The following GALM variants were observed in gnomAD, a reference collection of about 807,000 sequenced individuals.
GALM encodes aldose 1-epimerase.
GALM carries 43 observed loss-of-function variants against 37.4 expected under a neutral mutation model. The observed-to-expected ratio is 1.15, with a 90% CI of 0.90 to 1.48. The LOEUF (loss-of-function observed/expected upper bound fraction) is 1.48. GALM is among the 40% of genes most tolerant of loss of function. GALM has a pLI of 0.00. For missense variants in GALM, 456 were observed against 419.1 expected (o/e 1.09, Z -0.77); for synonymous variants, 199 against 170.6 (o/e 1.17, Z -1.30).
chr2:38,667,440 C>T (rs1476099804), intron 1 of GALM, among the ~76,000 whole-genome samples: 1 of 152,030 alleles, frequency 6.6e-6, no homozygotes, highest in African/African-American at 2.4e-5. Context: ...CATGGTGGCA[C>T]GTGCCTGTAA....
chr2:38,722,230 C>G (rs1558596149), intron 4 of GALM, among the ~76,000 whole-genome samples: 1 of 152,054 alleles, frequency 6.6e-6, no homozygotes, highest in Non-Finnish European at 1.5e-5. Context: ...CCCCTTTGCA[C>G]ACACTCAACT....
At chr2:38,715,899 C>T (rs1009549714) in intron 4 of GALM, among the ~76,000 whole-genome samples, 5 of 152,276 alleles carry the variant, frequency 3.3e-5, no homozygotes, top group African/African-American at 9.6e-5. Flanking sequence ...GGTAGAGTCT[C>T]GTTATCCCCA....
At chr2:38,716,817 T>C (rs1666278166) in intron 4 of GALM, among the ~76,000 whole-genome samples, 1 of 152,112 alleles carries the variant, frequency 6.6e-6, no homozygotes, top group African/African-American at 2.4e-5. Context: ...GAATAGCCAC[T>C]GCACTGCAGC....
intron 6 of GALM, among the ~76,000 whole-genome samples, chr2:38,732,398 C>T (rs1227888938): frequency 1.3e-5 from 2 of 152,172 alleles, no homozygotes; most frequent in Non-Finnish European, 2.9e-5. Flanking sequence ...TCACAGAAAA[C>T]CCATAGCCAA....
At chr2:38,668,918 A>T (rs955596621) in intron 1 of GALM, 23 of 152,280 alleles carry the variant, frequency 1.5e-4, no homozygotes, top group African/African-American at 5.5e-4. Flanking sequence ...ATTCCATGAG[A>T]CATGGTCCTT....
chr2:38,673,702 C>G (rs577559778), intron 1 of GALM, among the ~76,000 whole-genome samples: 2 of 150,418 alleles, frequency 1.3e-5, no homozygotes, highest in African/African-American at 4.9e-5. Flanking sequence ...CCCAGCTACT[C>G]GGGAGGCTGA....
intron 4 of GALM, among the ~76,000 whole-genome samples, chr2:38,715,163 G>T (rs1385800692): frequency 6.6e-6 from 1 of 152,158 alleles, no homozygotes; most frequent in Non-Finnish European, 1.5e-5. Context: ...TATGCTGTGT[G>T]ATGCAAGCAA....
intron 4 of GALM, among the ~76,000 whole-genome samples, chr2:38,720,104 C>G (rs916080460): frequency 1.4e-4 from 22 of 152,058 alleles, no homozygotes; most frequent in Non-Finnish European, 3.1e-4. Context: ...CCTAGCTACT[C>G]GGGAGGCTGT....
chr2:38,732,670 C>A (rs904441051), intron 6 of GALM, among the ~76,000 whole-genome samples: 1 of 152,160 alleles, frequency 6.6e-6, no homozygotes, highest in African/African-American at 2.4e-5. Flanking sequence ...CCTGTAATCC[C>A]AGCACTTTGG....
chr2:38,725,709 T>TG (rs1666472743), intron 4 of GALM, among the ~76,000 whole-genome samples: 1 of 152,102 alleles, frequency 6.6e-6, no homozygotes, highest in African/African-American at 2.4e-5. Flanking sequence ...TTCTTTTCTT[T>TG]TTTTTGTTTT....
rs1665235059 is a variant in GALM, at chr2:38,675,542, TTTGTGTGTGTGTGTGTGTGTGTG to T, written c.191-368_191-346del. 8.8e-5 allele frequency among the ~76,000 whole-genome samples: 7 copies of T among 79,604 alleles called. No individual in the cohort carries two copies. In the East Asian group the frequency reaches 3.1e-3, roughly 35 times the overall value. The allele number at this position is 79,604 out of a possible 152,430, so 52.2% of individuals were successfully genotyped here. On this transcript the variant is annotated intron_variant, in intron 1 of 6. Transcript: ENST00000272252. ...GGTTTTTTTGTTTTTTTTTTTTTTTTTTGTGTGTGTGTGTGTGTGTGTGTGTGTGTGTGTGTGTGTGTGTGTGA... is the reference window on the plus strand; with the variant it reads ...GGTTTTTTTGTTTTTTTTTTTTTTTTTGTGTGTGTGTGTGTGTGTGTGTGA...
chr2:38,684,898 C>T (rs563326642), intron 3 of GALM, among the ~76,000 whole-genome samples: 9 of 152,024 alleles, frequency 5.9e-5, no homozygotes, highest in South Asian at 2.1e-4. Flanking sequence ...AGATGAAAAG[C>T]AATAGCATGT....
intron 4 of GALM, among the ~76,000 whole-genome samples, chr2:38,700,497 T>TC (rs1332583603): frequency 7.9e-6 from 1 of 126,934 alleles, no homozygotes; most frequent in Non-Finnish European, 1.9e-5. Flanking sequence ...CTTTTTCTTT[T>TC]TTTTAATCGT....
At chr2:38,715,150 G>A (rs1422103812) in intron 4 of GALM, among the ~76,000 whole-genome samples, 1 of 152,126 alleles carries the variant, frequency 6.6e-6, no homozygotes, top group Non-Finnish European at 1.5e-5. Context: ...TTGTTTTAAA[G>A]TCTATGCTGT....
At chr2:38,678,273 G>A (rs563259563) in intron 2 of GALM, among the ~76,000 whole-genome samples, 26 of 152,210 alleles carry the variant, frequency 1.7e-4, no homozygotes, top group Admixed American at 1.7e-3. Context: ...GCCTCCCAAA[G>A]TGCTGGGATT....
At chr2:38,706,537 A>G (rs1666039321) in intron 4 of GALM, among the ~76,000 whole-genome samples, 1 of 148,300 alleles carries the variant, frequency 6.7e-6, no homozygotes, top group Non-Finnish European at 1.5e-5. Flanking sequence ...AAAATTAGCC[A>G]GGTGCGGTGG....
At chr2:38,703,750 C>T (rs1665978222) in intron 4 of GALM, among the ~76,000 whole-genome samples, 1 of 152,060 alleles carries the variant, frequency 6.6e-6, no homozygotes, top group Non-Finnish European at 1.5e-5. Context: ...TGGTGGCTCA[C>T]GCTTGTAATC....
At chr2:38,678,354 A>G (rs1449951841) in intron 2 of GALM, among the ~76,000 whole-genome samples, 1 of 152,064 alleles carries the variant, frequency 6.6e-6, no homozygotes, top group African/African-American at 2.4e-5. Context: ...AGGATTTGAA[A>G]TGGTATAAGA....
chr2:38,681,326 G>A lies in GALM; in HGVS notation c.392G>A (p.Arg131His), dbSNP rs114743178. The stretch of plus-strand genomic sequence containing the variant: ...CTGTCAAATGGCGTCCAGTTCTCGC[G>A]CATCAGTCCAGATGGTGAAGAAGGC... ...RVLSNGVQFSRISPDGEEGYP... is the reference protein window; with the variant it reads ...RVLSNGVQFSHISPDGEEGYP... The change falls in exon 3 of 7, where the codon CGC becomes CAC. Residue 131 changes from arginine (R) to histidine (H), a missense_variant. By Grantham distance (29) the Arg-to-His change is conservative (BLOSUM62 0). Coordinates refer to ENST00000272252, the MANE Select transcript of GALM (RefSeq NM_138801.3). The A allele has an allele frequency of 6.9e-5, 111 of 1,613,754 alleles. No individual in the cohort carries two copies. In the East Asian group the frequency reaches 1.4e-3, roughly 20 times the overall value.
Sources: allele counts gnomAD v4.1 joint callset (sites outside exome capture counted in the v4.1 genomes callset), GRCh38; gene constraint gnomAD v4.1.1; transcripts MANE v1.5; gene names NCBI Gene and HGNC (gene_info 2026-07-23, HGNC 2026-07-21).